C20orf203: variants seen among roughly 807,000 people sequenced by gnomAD.
C20orf203 encodes the protein chromosome 20 open reading frame 203, also known as uncharacterized protein C20orf203.
C20orf203 carries 16 observed loss-of-function variants against 15.9 expected under a neutral mutation model. The observed-to-expected ratio is 1.01, with a 90% CI of 0.68 to 1.53. The LOEUF is 1.53. Among genes scored for constraint, C20orf203 ranks in the 40% most tolerant of loss-of-function variants. The pLI is 0.00. For synonymous variants in C20orf203, 98 were observed against 97.2 expected, an observed-to-expected ratio of 1.01 and a Z score of -0.05; for missense variants, 263 against 247.5, an observed-to-expected ratio of 1.06 and a Z score of -0.42.
At chr20:32,661,482 C>T (rs998567786) in intron 1 of C20orf203, among the ~76,000 whole-genome samples, 1 of 152,160 alleles carries the variant, frequency 6.6e-6, no homozygotes, top group Non-Finnish European at 1.5e-5. Context: ...CCAGCCCTGG[C>T]CCTCCAGAAA....
At chr20:32,669,200 T>C (rs1483514844) in intron 1 of C20orf203, among the ~76,000 whole-genome samples, 1 of 152,220 alleles carries the variant, frequency 6.6e-6, no homozygotes, top group Non-Finnish European at 1.5e-5. Context: ...TCTCTGGGAC[T>C]CAGTGCCCTT....
At chr20:32,663,975 T>C (rs1764084265) in intron 1 of C20orf203, among the ~76,000 whole-genome samples, 1 of 152,252 alleles carries the variant, frequency 6.6e-6, no homozygotes, top group African/African-American at 2.4e-5. Context: ...ATTCATTATC[T>C]GCTGTACGAG....
intron 5 of C20orf203, among the ~76,000 whole-genome samples, chr20:32,640,044 G>A (rs1463441875): frequency 6.6e-6 from 1 of 152,198 alleles, no homozygotes; most frequent in Non-Finnish European, 1.5e-5. Flanking sequence ...GAGGCTCCAA[G>A]AGGTCCCACA....
intron 1 of C20orf203, among the ~76,000 whole-genome samples, chr20:32,660,251 G>A (rs900566910): frequency 6.6e-5 from 10 of 152,082 alleles, no homozygotes; most frequent in African/African-American, 2.4e-4. Flanking sequence ...TCTCCCAGCC[G>A]AGCCACCCAG....
At chr20:32,666,800 TATATA>T (rs1983043279) in intron 1 of C20orf203, among the ~76,000 whole-genome samples, 3 of 85,354 alleles carry the variant, frequency 3.5e-5, no homozygotes, top group Non-Finnish European at 4.9e-5. Context: ...TTTTAATTTA[TATATA>T]TATATATATA....
intron 1 of C20orf203, among the ~76,000 whole-genome samples, chr20:32,653,269 C>A (rs1014970470): frequency 6.6e-6 from 1 of 152,208 alleles, no homozygotes; most frequent in Non-Finnish European, 1.5e-5. Context: ...GTTGCACAGC[C>A]AGTGACTAAT....
chr20:32,654,731 C>A (rs1264212283), intron 1 of C20orf203, among the ~76,000 whole-genome samples: 1 of 152,132 alleles, frequency 6.6e-6, no homozygotes, highest in Non-Finnish European at 1.5e-5. Context: ...GTAGTCCCAG[C>A]TACTCAGGAG....
rs1193719437 is a variant in C20orf203, at chr20:32,650,775, T to G, written c.242A>C (p.Gln81Pro). Residue 81 changes from glutamine (Q) to proline (P), a missense_variant, in exon 4 of 6, where the codon CAG becomes CCG. Physicochemically the swap from Gln to Pro is moderately conservative, Grantham distance 76. Coordinates refer to ENST00000608990, the MANE Select transcript of C20orf203 (RefSeq NM_182584.4). ...AQRVHPQPSH[Q>P]RQPPPPQHPG... is the part of the protein sequence containing the mutation. ...GTGTTGCGGAGGAGGAGGCTGGCGC[T>G]GGTGGCTGGGCTGGGGGTGGACTCG... is the stretch of plus-strand genomic sequence containing the variant. 1 of 1,514,594 alleles carries G rather than the reference T, an allele frequency of 6.6e-7. No homozygotes were observed. 93.8% of individuals were successfully genotyped at this position (1,514,594 alleles called of 1,614,324 possible).
At chr20:32,660,284 C>G (rs754354659) in intron 1 of C20orf203, among the ~76,000 whole-genome samples, 4 of 152,138 alleles carry the variant, frequency 2.6e-5, no homozygotes, top group Non-Finnish European at 5.9e-5. Flanking sequence ...CCCTTCCCAG[C>G]AGGAGAAAGG....
intron 1 of C20orf203, among the ~76,000 whole-genome samples, chr20:32,666,804 T>C (rs867927848): frequency 1.0e-4 from 10 of 95,692 alleles, no homozygotes; most frequent in Admixed American, 3.8e-4. Context: ...AATTTATATA[T>C]ATATATATAT....
intron 1 of C20orf203, among the ~76,000 whole-genome samples, chr20:32,653,787 A>G (rs1285117074): frequency 6.6e-6 from 1 of 152,228 alleles, no homozygotes; most frequent in East Asian, 1.9e-4. Flanking sequence ...TGCAGATGAC[A>G]TGATCTTATA....
chr20:32,651,042 A>T lies in C20orf203; in HGVS notation c.111T>A (p.Phe37Leu), dbSNP rs1381895035. The T allele has an allele frequency of 6.6e-7, 1 of 1,512,094 alleles. No homozygotes were observed. The highest frequency in any genetic ancestry group is 8.9e-7 in the Non-Finnish European group (1 of 1,126,904). 93.7% of individuals were successfully genotyped at this position (1,512,094 alleles called of 1,614,324 possible). Residue 37 changes from phenylalanine (F) to leucine (L), a missense_variant, in exon 3 of 6, where the codon TTT becomes TTA. Physicochemically the swap from Phe to Leu is conservative, Grantham distance 22. Transcript: ENST00000608990. ...CCCGGCTCAGCATTCCAGTTTTTGT[A>T]AAGGGAAAACTGGCCAGGCGAGGTG... ...QWPPRLASFP[F>L]TKTGMLSRAT...
intron 1 of C20orf203, among the ~76,000 whole-genome samples, chr20:32,652,322 CAAAAAAAAA>C (rs11483593): frequency 1.3e-3 from 23 of 18,252 alleles, no homozygotes; most frequent in African/African-American, 2.9e-3. Context: ...GACTCCATCT[CAAAAAAAAA>C]AAAAAAAAAA....
rs566513780 is a variant in C20orf203 at position 32,663,452 on chromosome 20, A to T, written c.-264+10180T>A. Among the ~76,000 whole-genome samples the T allele has an allele frequency of 3.3e-5, 5 of 152,308 alleles. No homozygotes were observed. The South Asian group carries it at 1.0e-3, about 32-fold the overall frequency. On this transcript the variant is annotated intron_variant, in intron 1 of 5. Coordinates refer to ENST00000608990, the MANE Select transcript of C20orf203 (RefSeq NM_182584.4). Reference sequence around the variant, plus strand: ...AATGTTGGGGGAAAGCCAGCTACAGAGTATGATTACAATTAAAATGCACAC... The same window carrying T: ...AATGTTGGGGGAAAGCCAGCTACAGTGTATGATTACAATTAAAATGCACAC...
chr20:32,646,175 A>ATTTT (rs555458436), intron 4 of C20orf203, among the ~76,000 whole-genome samples: 1 of 105,912 alleles, frequency 9.4e-6, no homozygotes, highest in Non-Finnish European at 2.0e-5. Flanking sequence ...CTTGATCCCA[A>ATTTT]TTTTTTTTTT....
At position 32,650,566 on chromosome 20, in the gene C20orf203, C is replaced by T. The variant is rs922950492; in HGVS notation, c.451G>A (p.Ala151Thr). 16 of 1,549,054 alleles carry T rather than the reference C, an allele frequency of 1.0e-5. No homozygotes were observed. The African/African-American group carries it at 2.1e-4, about 20-fold the overall frequency. The change falls in exon 4 of 6, where the codon GCT becomes ACT. Residue 151 changes from alanine (A) to threonine (T), a missense_variant. Ala to Thr is a moderately conservative substitution (Grantham distance 58, BLOSUM62 0). Coordinates refer to ENST00000608990, the MANE Select transcript of C20orf203 (RefSeq NM_182584.4). ...RMGTVGDFGQ[A>T]LSSLAWTSTC... Reference sequence around the variant, plus strand: ...GAGGTCCAGGCCAGCGAGGACAGAGCTTGGCCAAAGTCCCCCACCGTGCCC... The same window carrying T: ...GAGGTCCAGGCCAGCGAGGACAGAGTTTGGCCAAAGTCCCCCACCGTGCCC...
chr20:32,650,454 G>A lies in C20orf203; in HGVS notation c.563C>T (p.Ser188Leu). 6.4e-7 allele frequency: 1 copy of A among 1,550,404 alleles called. No homozygotes were observed. The highest frequency in any genetic ancestry group is 8.7e-7 in the Non-Finnish European group (1 of 1,146,880). Residue 188 changes from serine (S) to leucine (L), a missense_variant, in exon 4 of 6, where the codon TCA (serine) becomes TTA (leucine). Ser to Leu is a moderately radical substitution (Grantham distance 145). Transcript: ENST00000608990. ...LISKQQFLSN[S>L]SRSLFN ...CGGCTAATTAAACAGCGACCGTGAT[G>A]AATTGGAGAGAAACTGCTGCTTGCT...
intron 1 of C20orf203, among the ~76,000 whole-genome samples, chr20:32,672,928 G>A (rs1983208078): frequency 6.6e-6 from 1 of 152,170 alleles, no homozygotes. Context: ...GGGGCCTGGT[G>A]AAGATGGCTG....
chr20:32,660,454 G>A (rs1367279773), intron 1 of C20orf203, among the ~76,000 whole-genome samples: 6 of 152,198 alleles, frequency 3.9e-5, no homozygotes, highest in African/African-American at 9.7e-5. Context: ...TCACACCTTC[G>A]AGAGGCCACG....
Sources: gnomAD v4.1 joint callset for allele counts (sites outside exome capture counted in the v4.1 genomes callset) on GRCh38, gnomAD v4.1.1 for gene constraint, MANE v1.5 for transcripts, NCBI Gene and HGNC (gene_info 2026-07-23, HGNC 2026-07-21) for gene names.